Variants in EML3 observed in about 807,000 individuals in gnomAD.
EML3 encodes echinoderm microtubule-associated protein-like 3.
EML3 carries 53 observed loss-of-function variants against 106.7 expected under a neutral mutation model. The ratio of observed to expected loss-of-function variants is 0.50; its 90% CI spans 0.40 to 0.62. The LOEUF (loss-of-function observed/expected upper bound fraction) is 0.62. Among genes scored for constraint, EML3 ranks in the 20% least tolerant of loss-of-function variants. EML3 has a pLI of 0.00. For synonymous variants in EML3, 499 were observed against 489.6 expected (o/e 1.02, Z -0.25); for missense variants, 994 against 1,209.1 (o/e 0.82, Z 2.64).
Position 62,608,667 on chromosome 11 carries a change from G to C in EML3, c.1000-15C>G. The C allele has an allele frequency of 6.2e-7, 1 of 1,614,140 alleles. No homozygotes were observed. The highest frequency in any genetic ancestry group is 8.5e-7 in the Non-Finnish European group (1 of 1,179,982). Reference sequence around the variant, plus strand: ...GGCTGCAGGGGCTGGTGGAGGAAGAGTCACAAGTGTGAAGCAAAATTGGAG... The same window carrying C: ...GGCTGCAGGGGCTGGTGGAGGAAGACTCACAAGTGTGAAGCAAAATTGGAG... On this transcript the variant is annotated splice_polypyrimidine_tract_variant and intron_variant, in intron 8 of 21. Coordinates refer to ENST00000394773, the MANE Select transcript of EML3 (RefSeq NM_153265.3).
In EML3 at chr11:62,608,571, C is replaced by T. The variant is rs752853389; in HGVS notation, c.1081G>A (p.Gly361Ser). 1 of 1,614,090 alleles carries T rather than the reference C, an allele frequency of 6.2e-7. No homozygotes were observed. The highest frequency in any genetic ancestry group is 2.2e-5 in the East Asian group (1 of 44,884). The change falls in exon 9 of 22, where the codon GGT becomes AGT. Residue 361 changes from glycine (G) to serine (S), a missense_variant. Physicochemically the swap from Gly to Ser is moderately conservative, Grantham distance 56. Transcript: ENST00000394773. The stretch of plus-strand genomic sequence containing the variant: ...GCTGAAAAGGCCAGGGCCCCAACAC[C>T]CCGCTCGAAGGCCCCCAGTCCAATC... ...QEIGLGAFERGVGALAFSAAD... is the reference protein window; with the variant it reads ...QEIGLGAFERSVGALAFSAAD...
rs753240280 is a variant in EML3, at chr11:62,606,969, C to A, written c.1493G>T (p.Gly498Val). The A allele has an allele frequency of 1.2e-6, 2 of 1,613,990 alleles. No individual in the cohort carries two copies. Among genetic ancestry groups the A allele is most frequent in the Non-Finnish European group, 1.7e-6 (2 of 1,179,906 alleles). The change falls in exon 12 of 22, where the codon GGT becomes GTT. Residue 498 changes from glycine to valine, a missense_variant. Gly to Val is a moderately radical substitution (Grantham distance 109, BLOSUM62 -3). Around this residue, in one of 3 missense-constraint regions of EML3, gnomAD observed 713 missense variants for 920.5 expected, o/e 0.77. Coordinates refer to ENST00000394773, the MANE Select transcript of EML3 (RefSeq NM_153265.3). ...TCCCAGCCACATACCTTTGGCGCCA[C>A]CCCTGCCTGGGGTCTTGGAATCTGA... ...SPSDSKTPGR[G>V]GAKETYGIVA... is the part of the protein sequence containing the mutation.
In EML3 at chr11:62,605,061, C is replaced by T. The variant is rs899947159; in HGVS notation, c.1982+52G>A. On this transcript the variant is annotated intron_variant, in intron 16 of 21. Coordinates refer to ENST00000394773, the MANE Select transcript of EML3 (RefSeq NM_153265.3). The surrounding 1 kb of genome is among the most constrained non-coding windows in gnomAD (Gnocchi z 5.2). ...TCGCCCACTCCCCCAGTACCAGGAA[C>T]CCTTCCCAGTCCTCCCTGCTTTCCC... The T allele has an allele frequency of 1.9e-6, 3 of 1,565,488 alleles. No homozygotes were observed. Among genetic ancestry groups the T allele is most frequent in the Non-Finnish European group, 1.7e-6 (2 of 1,152,342 alleles).
rs766741011 is a variant in EML3, at chr11:62,609,063, A to G, written c.828T>C (p.Phe276=). 3.7e-6 allele frequency: 6 copies of G among 1,614,104 alleles called. No homozygotes were observed. The South Asian group carries it at 5.5e-5, about 15-fold the overall frequency. ...GGTACAGCACCACCACACAGGCGAT[A>G]AAGTAGACCACCTCCCCAGAGCGCA... is the stretch of plus-strand genomic sequence containing the variant. ...FVLRSGEVVY[F]IACVVVLYRP... Residue 276 remains phenylalanine, a synonymous_variant, in exon 7 of 22, where the codon TTT becomes TTC. Transcript: ENST00000394773.
intron 1 of EML3, 120 bp downstream of exon 1, chr11:62,612,316 G>C: frequency 2.0e-6 from 2 of 1,016,258 alleles, no homozygotes; most frequent in South Asian, 1.5e-5. Context: ...GAGGATGCTC[G>C]GAGCCCCTGG....
In EML3 at chr11:62,609,666, A is replaced by G; in HGVS notation, c.597T>C (p.Pro199=). ...SRGGKDPLSS[P]GGPGSRRSNY... is the part of the protein sequence containing the mutation. ...TGCTCCTCCGAGATCCAGGGCCCCC[A>G]GGGCTGGAGAGGGGGTCTTTTCCCC... The change falls in exon 5 of 22, where the codon CCT becomes CCC. Residue 199 remains proline, a synonymous_variant. Coordinates refer to ENST00000394773, the MANE Select transcript of EML3 (RefSeq NM_153265.3). 1 of 1,606,422 alleles carries G rather than the reference A, an allele frequency of 6.2e-7. No individual in the cohort carries two copies. The highest frequency in any genetic ancestry group is 8.5e-7 in the Non-Finnish European group (1 of 1,176,660).
In EML3 at chr11:62,602,660, C is replaced by A. The variant is rs749272847; in HGVS notation, c.2506G>T (p.Gly836Trp). The A allele has an allele frequency of 3.8e-6, 6 of 1,596,678 alleles. No homozygotes were observed. The highest frequency in any genetic ancestry group is 1.3e-5 in the African/African-American group (1 of 74,626). Residue 836 changes from glycine to tryptophan, a missense_variant, in exon 22 of 22, where the codon GGG (glycine) becomes TGG (tryptophan). Gly to Trp is a radical substitution (Grantham distance 184). Transcript: ENST00000394773. ...ARAKAPSRMY[G>W]GHGSHVTSVR... ...CTGGTCACGTGGCTGCCGTGGCCCC[C>A]GTACATGCGGCTCGGCGCCTGGGCC...
At position 62,606,313 on chromosome 11, in the gene EML3, T is replaced by C. The variant is rs979962842; in HGVS notation, c.1505-99A>G. The C allele has an allele frequency of 9.6e-6, 13 of 1,350,826 alleles. No individual in the cohort carries two copies. In the Admixed American group the frequency reaches 1.3e-4, roughly 14 times the overall value. The allele number at this position is 1,350,826 out of a possible 1,614,324, so 83.7% of individuals were successfully genotyped here. On this transcript the variant is annotated intron_variant, in intron 12 of 21. Transcript: ENST00000394773. ...GCAATACAGTAAGAACTCCCAGCCA[T>C]TGCATGCACTGACTACTATGTCTCA...
At chr11:62,609,222 C>G in intron 6 of EML3, 90 bp from the exon 7 acceptor site, 1 of 1,582,208 alleles carries the variant, frequency 6.3e-7, no homozygotes, top group Non-Finnish European at 8.6e-7. Context: ...CTGGCAGGGC[C>G]TAGAGCAGAA....
In EML3 at chr11:62,607,680, G is replaced by A; in HGVS notation, c.1348C>T (p.Gln450Ter). ...CCATGCCTCACCCCAAAGACACCCTGTTTCCGGGTAAGGGTCCCATTCCCA... is the reference window on the plus strand; with the variant it reads ...CCATGCCTCACCCCAAAGACACCCTATTTCCGGGTAAGGGTCCCATTCCCA... The part of the protein sequence containing the change: ...VPGNGTLTRK[Q>*]GVFGKYKKPK... Residue 450 changes from glutamine to a stop codon, truncating the protein, a stop_gained, in exon 11 of 22, where the codon CAG becomes TAG. Coordinates refer to ENST00000394773, the MANE Select transcript of EML3 (RefSeq NM_153265.3). LOFTEE classifies it high-confidence loss of function. 1.9e-6 allele frequency: 3 copies of A among 1,613,452 alleles called. No homozygotes were observed. Among genetic ancestry groups the A allele is most frequent in the Non-Finnish European group, 2.5e-6 (3 of 1,179,796 alleles).
At position 62,605,921 on chromosome 11, in the gene EML3, C is replaced by T. The variant is rs1346435559; in HGVS notation, c.1716G>A (p.Leu572=). 6.8e-6 allele frequency: 11 copies of T among 1,614,206 alleles called. No homozygotes were observed. The highest frequency in any genetic ancestry group is 1.1e-5 in the South Asian group (1 of 91,090). ...GCAATGCATTCTTCGTGGTTCCCAC[C>T]AGCAGCTCAGAGCCAAGCCCTTCAG... The part of the protein sequence containing the change: ...AIAEGLGSEL[L]VGTTKNALLR... Residue 572 remains leucine (L), a synonymous_variant, in exon 14 of 22, where the codon CTG becomes CTA. Coordinates refer to ENST00000394773, the MANE Select transcript of EML3 (RefSeq NM_153265.3). The surrounding 1 kb of genome is among the most constrained non-coding windows in gnomAD (Gnocchi z 5.2).
In EML3 at chr11:62,608,736, C is replaced by T. The variant is rs1942659404; in HGVS notation, c.999G>A (p.Lys333=). The T allele has an allele frequency of 6.2e-7, 1 of 1,609,674 alleles. No homozygotes were observed. The highest frequency in any genetic ancestry group is 1.3e-5 in the African/African-American group (1 of 74,882). Residue 333 remains lysine (K), a splice_region_variant and synonymous_variant, in exon 8 of 22, where the codon AAG becomes AAA. Coordinates refer to ENST00000394773, the MANE Select transcript of EML3 (RefSeq NM_153265.3). ...GQTAGVDKDG[K]PLQPVVHIWD... The stretch of plus-strand genomic sequence containing the variant: ...GCCTGCTCCCTGACTTTGGCCTTAC[C>T]TTTCCATCCTTATCCACTCCAGCTG...
chr11:62,604,867 T>TC, intron 16 of EML3: 1 of 372,578 alleles, frequency 2.7e-6, no homozygotes, highest in Non-Finnish European at 4.9e-6. Flanking sequence ...TGTTTCTCTA[T>TC]CCTGGGCTGC....
In EML3 at chr11:62,602,390, C is replaced by T. The variant is rs540232834; in HGVS notation, c.*85G>A. On this transcript the variant is annotated 3_prime_UTR_variant, in exon 22 of 22. Coordinates refer to ENST00000394773, the MANE Select transcript of EML3 (RefSeq NM_153265.3). ...CGAAGTCAGTCCAGGAAAGAGTCGG[C>T]CCCTAGTCGTGGGGGATTGGGCCAG... 3.8e-4 allele frequency: 592 copies of T among 1,551,022 alleles called. 1 individual carries two copies. The highest frequency in any genetic ancestry group is 5.0e-4 in the Non-Finnish European group (572 of 1,146,824).
intron 1 of EML3, chr11:62,612,186 A>AC: frequency 1.9e-6 from 1 of 517,330 alleles, no homozygotes; most frequent in Admixed American, 4.0e-5. Context: ...GCCCGGAGTA[A>AC]CGCAGGGGGC....
At position 62,602,616 on chromosome 11, in the gene EML3, G is replaced by C. The variant is rs751373889; in HGVS notation, c.2550C>G (p.Asp850Glu). 9 of 1,576,412 alleles carry C rather than the reference G, an allele frequency of 5.7e-6. No homozygotes were observed. In the Admixed American group the frequency reaches 8.9e-5, roughly 16 times the overall value. Reference protein sequence around the residue: ...SHVTSVRFTHDDSHLVSLGGK... With the variant: ...SHVTSVRFTHEDSHLVSLGGK... ...CGCCCAGCGAGACGAGGTGCGAGTC[G>C]TCGTGCGTGAATCGGACGCTGGTCA... is the stretch of plus-strand genomic sequence containing the variant. The change falls in exon 22 of 22, where the codon GAC becomes GAG. Residue 850 changes from aspartate to glutamate, a missense_variant. Physicochemically the swap from Asp to Glu is conservative, Grantham distance 45. Around this residue, in one of 3 missense-constraint regions of EML3, gnomAD observed 713 missense variants for 920.5 expected, o/e 0.77. Transcript: ENST00000394773.
intron 5 of EML3, 54 bp downstream of exon 5, chr11:62,609,575 G>A (rs1942708408): frequency 4.4e-6 from 7 of 1,577,128 alleles, no homozygotes; most frequent in Non-Finnish European, 5.2e-6. Context: ...TGGGGCTACA[G>A]CCCAAATCCT....
In EML3 at chr11:62,612,446, G is replaced by A. The variant is rs2134416549; in HGVS notation, c.12C>T (p.Ala4=). ...CCGCCCCGTACTCACCGGGCCCCGC[G>A]GCCCCGTCCATCCGGCCCCCGGGTT... The part of the protein sequence containing the change: MDG[A]AGPGDGPARE... Residue 4 remains alanine (A), a synonymous_variant, in exon 1 of 22, where the codon GCC becomes GCT. Transcript: ENST00000394773. The A allele has an allele frequency of 2.0e-6, 3 of 1,466,032 alleles. No individual in the cohort carries two copies. Among genetic ancestry groups the A allele is most frequent in the Middle Eastern group, 4.8e-4 (2 of 4,196 alleles). 90.8% of individuals were successfully genotyped at this position (1,466,032 alleles called of 1,614,324 possible). A position where few individuals can be genotyped will look rare whatever the true frequency, so the allele number is the denominator to read the frequency against.
At chr11:62,612,192 G>T in intron 1 of EML3, 1 of 516,512 alleles carries the variant, frequency 1.9e-6, no homozygotes, top group Non-Finnish European at 3.4e-6. Flanking sequence ...AGTAACGCAG[G>T]GGGCAGGGAA....
Sources: gnomAD v4.1 joint callset for allele counts on GRCh38, gnomAD v4.1.1 for gene constraint, gnomAD v4.1.1 regional missense constraint, Gnocchi (gnomAD v3.1) non-coding constraint, MANE v1.5 for transcripts, NCBI Gene and HGNC (gene_info 2026-07-23, HGNC 2026-07-21) for gene names.